The following GTPBP10 variants were observed in gnomAD, a reference collection of about 807,000 sequenced individuals.
GTPBP10 encodes the protein GTP binding protein 10, also known as GTP-binding protein 10.
A neutral mutation model predicts 44.8 loss-of-function variants in GTPBP10; 38 were observed. The observed-to-expected ratio is 0.85, with a 90% CI of 0.65 to 1.11. The LOEUF is 1.11. GTPBP10 is among the 50% of genes most tolerant of loss of function. The pLI is 0.00. For synonymous variants in GTPBP10, 152 were observed against 150.6 expected (o/e 1.01, Z -0.07); for missense variants, 462 against 453.7 (o/e 1.02, Z -0.17).
intron 8 of GTPBP10, among the ~76,000 whole-genome samples, chr7:90,380,134 G>GGT (rs745445930): frequency 3.5e-4 from 50 of 143,992 alleles, no homozygotes; most frequent in Non-Finnish European, 5.8e-4. Flanking sequence ...GCTGGAGTGC[G>GGT]GTGGCACAGT....
Position 90,389,378 on chromosome 7 carries a change from A to C in GTPBP10, c.*4224A>C, listed in dbSNP as rs964434328. On this transcript the variant is annotated 3_prime_UTR_variant, in exon 10 of 10. Coordinates refer to ENST00000222511, the MANE Select transcript of GTPBP10 (RefSeq NM_033107.4). ...TTTTTAAACTCTTTTGGGAGCCTAA[A>C]AAATTTGAATTTTTTTTTTTCCCCC... The C allele has an allele frequency of 6.8e-6, 1 of 148,094 alleles. No individual in the cohort carries two copies. The highest frequency in any genetic ancestry group is 2.5e-5 in the African/African-American group (1 of 39,880). The allele number at this position is 148,094 out of a possible 1,614,324, so 9.2% of individuals were successfully genotyped here.
At chr7:90,352,413 G>C (rs1795807905) in intron 1 of GTPBP10, among the ~76,000 whole-genome samples, 1 of 152,236 alleles carries the variant, frequency 6.6e-6, no homozygotes, top group African/African-American at 2.4e-5. Context: ...TACACATTCT[G>C]CTCACATTTG....
chr7:90,354,417 C>A, intron 2 of GTPBP10, 41 bp from the exon 3 acceptor site: 1 of 931,716 alleles, frequency 1.1e-6, no homozygotes, highest in Non-Finnish European at 1.6e-6. Flanking sequence ...TGTATATATA[C>A]ACACACACAT....
Position 90,388,227 on chromosome 7 carries a change from T to G in GTPBP10, c.*3073T>G, listed in dbSNP as rs1363858708. 8.5e-5 allele frequency: 13 copies of G among 152,360 alleles called. No individual in the cohort carries two copies. The South Asian group carries it at 2.7e-3, about 32-fold the overall frequency. The allele number at this position is 152,360 out of a possible 1,614,324, so 9.4% of individuals were successfully genotyped here. On this transcript the variant is annotated 3_prime_UTR_variant, in exon 10 of 10. Transcript: ENST00000222511. ...TAAAAAATAATTTTGAAACAAAGAC[T>G]TATTTTGAAGTAAGTCTTTTAACAT...
At chr7:90,364,716 C>G (rs1796096375) in intron 4 of GTPBP10, among the ~76,000 whole-genome samples, 1 of 152,146 alleles carries the variant, frequency 6.6e-6, no homozygotes, top group East Asian at 1.9e-4. Context: ...TTTGGCTATG[C>G]CCTGCCCCCG....
In GTPBP10 at chr7:90,387,510, A is replaced by G. The variant is rs1796544983; in HGVS notation, c.*2356A>G. ...TCAGCTTAAATTTTTTTCTGATTTG[A>G]CAACATGAGTGATGTTTTCCCAGTA... On this transcript the variant is annotated 3_prime_UTR_variant, in exon 10 of 10. Coordinates refer to ENST00000222511, the MANE Select transcript of GTPBP10 (RefSeq NM_033107.4). 1.3e-5 allele frequency: 2 copies of G among 152,214 alleles called. No homozygotes were observed. The highest frequency in any genetic ancestry group is 6.5e-5 in the Admixed American group (1 of 15,280). 9.4% of individuals were successfully genotyped at this position (152,214 alleles called of 1,614,324 possible).
chr7:90,351,487 AT>A (rs1795790315), intron 1 of GTPBP10, among the ~76,000 whole-genome samples: 1 of 152,168 alleles, frequency 6.6e-6, no homozygotes, highest in Admixed American at 6.6e-5. Flanking sequence ...GCATCTATAT[AT>A]TTTTTGCACT....
chr7:90,352,967 A>G lies in GTPBP10; in HGVS notation c.185A>G (p.Tyr62Cys). The change falls in exon 2 of 10, where the codon TAT (tyrosine) becomes TGT (cysteine). Residue 62 changes from tyrosine (Y) to cysteine (C), a missense_variant. Coordinates refer to ENST00000222511, the MANE Select transcript of GTPBP10 (RefSeq NM_033107.4). Reference protein sequence around the residue: ...RMTLKQLKDRYPRKRFVAGVG... With the variant: ...RMTLKQLKDRCPRKRFVAGVG... ...ACTTTAAAACAACTTAAAGACAGGT[A>G]TCCTCGGAAACGGTTTGTGGCTGGA... is the stretch of plus-strand genomic sequence containing the variant. The G allele has an allele frequency of 1.2e-6, 2 of 1,612,882 alleles. No individual in the cohort carries two copies. The highest frequency in any genetic ancestry group is 1.7e-6 in the Non-Finnish European group (2 of 1,179,328).
At chr7:90,347,017 G>A (rs1795690165) in intron 1 of GTPBP10, among the ~76,000 whole-genome samples, 4 of 152,176 alleles carry the variant, frequency 2.6e-5, no homozygotes, top group South Asian at 2.1e-4. Context: ...TAGAGACATA[G>A]TGTGCACGTG....
At chr7:90,347,496 T>G (rs1795701343) in intron 1 of GTPBP10, 1 of 428,304 alleles carries the variant, frequency 2.3e-6, no homozygotes, top group Non-Finnish European at 3.1e-6. Context: ...TATTTCAACT[T>G]TCTTGAAAAA....
chr7:90,355,259 T>C (rs373075634), intron 4 of GTPBP10, 29 bp downstream of exon 4: 17 of 1,385,040 alleles, frequency 1.2e-5, no homozygotes, highest in Non-Finnish European at 1.7e-5. Flanking sequence ...TTTATTATTA[T>C]ACTTTCAGAG....
At chr7:90,355,925 A>G (rs1450700983) in intron 4 of GTPBP10, among the ~76,000 whole-genome samples, 2 of 152,132 alleles carry the variant, frequency 1.3e-5, no homozygotes, top group South Asian at 2.1e-4. Context: ...AAGGAAGAGA[A>G]AACTTCAATT....
At position 90,355,248 on chromosome 7, in the gene GTPBP10, T is replaced by C. The variant is rs1218021569; in HGVS notation, c.464+18T>C. 1.4e-6 allele frequency: 2 copies of C among 1,441,344 alleles called. No individual in the cohort carries two copies. The highest frequency in any genetic ancestry group is 1.9e-6 in the Non-Finnish European group (2 of 1,072,602). 89.3% of individuals were successfully genotyped at this position (1,441,344 alleles called of 1,614,324 possible). On this transcript the variant is annotated intron_variant, in intron 4 of 9. Transcript: ENST00000222511. ...CTAGTAGGGTAAGTATCGTTCATATTTTTATTATTATACTTTCAGAGAGAG... is the reference window on the plus strand; with the variant it reads ...CTAGTAGGGTAAGTATCGTTCATATCTTTATTATTATACTTTCAGAGAGAG...
chr7:90,348,421 A>C (rs976559927), intron 1 of GTPBP10, among the ~76,000 whole-genome samples: 1 of 152,196 alleles, frequency 6.6e-6, no homozygotes, highest in Non-Finnish European at 1.5e-5. Context: ...TGACACATAT[A>C]AAATATATAT....
At chr7:90,356,361 A>G (rs1047751985) in intron 4 of GTPBP10, among the ~76,000 whole-genome samples, 1 of 152,212 alleles carries the variant, frequency 6.6e-6, no homozygotes, top group African/African-American at 2.4e-5. Context: ...ATAATCCTCT[A>G]TATTTTTAGG....
At chr7:90,357,058 T>A (rs1230439931) in intron 4 of GTPBP10, among the ~76,000 whole-genome samples, 1 of 152,218 alleles carries the variant, frequency 6.6e-6, no homozygotes, top group Admixed American at 6.5e-5. Flanking sequence ...TAAGTAGATA[T>A]CCTTTTAGCT....
intron 4 of GTPBP10, among the ~76,000 whole-genome samples, chr7:90,364,940 A>G (rs961766346): frequency 1.3e-5 from 2 of 152,190 alleles, no homozygotes; most frequent in African/African-American, 4.8e-5. Flanking sequence ...GGTGCGGAAT[A>G]TAATCTCATG....
At chr7:90,368,780 A>G (rs1796189689) in intron 4 of GTPBP10, among the ~76,000 whole-genome samples, 1 of 152,164 alleles carries the variant, frequency 6.6e-6, no homozygotes, top group Non-Finnish European at 1.5e-5. Context: ...CAACCTTCTG[A>G]AGTCTACTTC....
chr7:90,354,859 G>A (rs1229253570), intron 3 of GTPBP10, among the ~76,000 whole-genome samples: 1 of 152,006 alleles, frequency 6.6e-6, no homozygotes, highest in East Asian at 1.9e-4. Context: ...CTGTTTTTCT[G>A]AAAGAACAAT....
Sources: gnomAD v4.1 joint callset for allele counts (sites outside exome capture counted in the v4.1 genomes callset) on GRCh38, gnomAD v4.1.1 for gene constraint, MANE v1.5 for transcripts, NCBI Gene and HGNC (gene_info 2026-07-23, HGNC 2026-07-21) for gene names.